SLC4A8: variants seen among roughly 807,000 people sequenced by gnomAD.
The protein encoded by SLC4A8 is electroneutral sodium bicarbonate exchanger 1.
A neutral mutation model predicts 125.0 loss-of-function variants in SLC4A8; 40 were observed. The observed-to-expected ratio is 0.32, with a 90% CI of 0.25 to 0.42. SLC4A8 has a LOEUF of 0.42. SLC4A8 is among the 10% of genes least tolerant of loss of function. SLC4A8 has a pLI of 1.00. For missense variants in SLC4A8, 863 were observed against 1,355.1 expected, an observed-to-expected ratio of 0.64 and a Z score of 5.70; for synonymous variants, 456 against 476.0, an observed-to-expected ratio of 0.96 and a Z score of 0.55.
At chr12:51,431,585 CTGCATGAGTCCTTGT>C (rs1277679433) in intron 1 of SLC4A8, among the ~76,000 whole-genome samples, 70 of 152,032 alleles carry the variant, frequency 4.6e-4, no homozygotes, top group African/African-American at 1.5e-3. Flanking sequence ...TCTGGAACAG[CTGCATGAGTCCTTGT>C]GGAATTTTTT....
chr12:51,496,047 A>G (rs1464170169), intron 21 of SLC4A8, among the ~76,000 whole-genome samples: 1 of 151,382 alleles, frequency 6.6e-6, no homozygotes, highest in Non-Finnish European at 1.5e-5. Flanking sequence ...ATTTTTTTCT[A>G]ATCCTCTAGA....
intron 10 of SLC4A8, chr12:51,462,724 C>T (rs1950371662): frequency 1.0e-5 from 2 of 200,882 alleles, no homozygotes; most frequent in East Asian, 1.1e-4. Flanking sequence ...GAAACCCCAT[C>T]TCTACTAAAA....
At chr12:51,466,379 C>G (rs1234507656) in intron 11 of SLC4A8, 1 of 152,168 alleles carries the variant, frequency 6.6e-6, no homozygotes, top group Admixed American at 6.5e-5. Context: ...GCTGCTATCT[C>G]GATGATCCCC....
intron 13 of SLC4A8, 56 bp from the exon 14 acceptor site, chr12:51,471,231 C>T: frequency 1.3e-6 from 2 of 1,552,986 alleles, no homozygotes; most frequent in Non-Finnish European, 1.7e-6. Context: ...TTTCTGACTC[C>T]TTGTCTCTTA....
intron 1 of SLC4A8, among the ~76,000 whole-genome samples, chr12:51,438,423 C>T (rs1430316323): frequency 6.6e-6 from 1 of 152,136 alleles, no homozygotes; most frequent in Non-Finnish European, 1.5e-5. Flanking sequence ...ACATAATGTC[C>T]TTCAGTTCCA....
chr12:51,419,892 C>CAAGTTTCA (rs561360047), upstream of SLC4A8, among the ~76,000 whole-genome samples: 266 of 152,322 alleles, frequency 1.7e-3, 1 homozygote, highest in Middle Eastern at 6.8e-3. Context: ...ATTTTCACAG[C>CAAGTTTCA]CAGGAGCTTG....
At chr12:51,489,500 T>C (rs765116220) in intron 18 of SLC4A8, among the ~76,000 whole-genome samples, 200 bp from the exon 19 acceptor site, 1 of 152,172 alleles carries the variant, frequency 6.6e-6, no homozygotes, top group Non-Finnish European at 1.5e-5. Flanking sequence ...TTGGCATATA[T>C]AGGACAGGCT....
chr12:51,414,834 TC>T (rs1948655149), intron 1 of SLC4A8, among the ~76,000 whole-genome samples: 2 of 152,248 alleles, frequency 1.3e-5, no homozygotes, highest in Admixed American at 1.3e-4. Context: ...GAGGTATGTT[TC>T]TTTTATGCCT....
At chr12:51,486,602 C>G (rs1326326492) in intron 17 of SLC4A8, among the ~76,000 whole-genome samples, 1 of 152,160 alleles carries the variant, frequency 6.6e-6, no homozygotes, top group Non-Finnish European at 1.5e-5. Flanking sequence ...AAGCTGAGCT[C>G]AGTTCTATAG....
intron 2 of SLC4A8, among the ~76,000 whole-genome samples, chr12:51,446,015 A>G (rs1193719334): frequency 6.6e-6 from 1 of 152,160 alleles, no homozygotes; most frequent in Non-Finnish European, 1.5e-5. Flanking sequence ...TTAACATACT[A>G]TAATGGAACA....
intron 10 of SLC4A8, 143 bp downstream of exon 10, chr12:51,462,599 A>G: frequency 1.6e-6 from 1 of 621,462 alleles, no homozygotes; most frequent in South Asian, 3.7e-5. Flanking sequence ...AACAATAATA[A>G]AAATGAATCT....
At chr12:51,396,988 C>T (rs1258086644) in intron 1 of SLC4A8, among the ~76,000 whole-genome samples, 8 of 123,606 alleles carry the variant, frequency 6.5e-5, no homozygotes, top group East Asian at 4.8e-4. Context: ...GGAATGCAGT[C>T]GCACGATCTC....
At chr12:51,414,924 T>A (rs528429334) in intron 1 of SLC4A8, among the ~76,000 whole-genome samples, 15 of 152,214 alleles carry the variant, frequency 9.9e-5, no homozygotes, top group Non-Finnish European at 2.2e-4. Flanking sequence ...AATAATCATA[T>A]GGTTTTTGGT....
At chr12:51,449,076 C>G (rs1290359771) in intron 2 of SLC4A8, among the ~76,000 whole-genome samples, 1 of 152,020 alleles carries the variant, frequency 6.6e-6, no homozygotes, top group African/African-American at 2.4e-5. Flanking sequence ...ATTAACATAC[C>G]CAGCTTGGCA....
In SLC4A8 at chr12:51,460,111, AAAG is replaced by A; in HGVS notation, c.1013+4_1013+6del. ...ACAGAAGTGCCAATCCCAACAAGGT[AAAG>A]GCAAAGATAAAACTCATGCATTCTA... On this transcript the variant is annotated splice_donor_5th_base_variant and intron_variant, in intron 8 of 24. Transcript: ENST00000453097. 6.2e-7 allele frequency: 1 copy of A among 1,612,534 alleles called. No homozygotes were observed. The highest frequency in any genetic ancestry group is 8.5e-7 in the Non-Finnish European group (1 of 1,178,502).
chr12:51,494,750 T>C (rs1951417379), intron 20 of SLC4A8, 195 bp from the exon 21 acceptor site: 1 of 465,392 alleles, frequency 2.1e-6, no homozygotes, highest in Admixed American at 3.6e-5. Context: ...AAAGATGGAT[T>C]CAAATTTTGA....
chr12:51,462,607 T>A (rs1950366305), intron 10 of SLC4A8, 151 bp downstream of exon 10: 1 of 595,618 alleles, frequency 1.7e-6, no homozygotes, highest in Non-Finnish European at 2.6e-6. Context: ...TAAAAATGAA[T>A]CTGGGCTGGG....
At chr12:51,470,681 G>T (rs549591232) in intron 13 of SLC4A8, among the ~76,000 whole-genome samples, 156 bp downstream of exon 13, 1 of 152,098 alleles carries the variant, frequency 6.6e-6, no homozygotes, top group African/African-American at 2.4e-5. Flanking sequence ...TCCTGCCCCC[G>T]GGTAGCACCA....
At position 51,467,079 on chromosome 12, in the gene SLC4A8, A is replaced by C. The variant is rs113658723; in HGVS notation, c.1350-2535A>C. Among the ~76,000 whole-genome samples the C allele has an allele frequency of 6.9e-3, 1,051 of 152,250 alleles. 15 individuals are homozygous for C. The highest frequency in any genetic ancestry group is 0.023 in the African/African-American group (961 of 41,520). ...ATGAAGAGGTAATAATCGCATGGTA[A>C]TAAGATGCTATGTTAGCTAAGAACC... On this transcript the variant is annotated intron_variant, in intron 11 of 24. Transcript: ENST00000453097.
Sources: gnomAD v4.1 joint callset for allele counts (sites outside exome capture counted in the v4.1 genomes callset) on GRCh38, gnomAD v4.1.1 for gene constraint, MANE v1.5 for transcripts, NCBI Gene and HGNC (gene_info 2026-07-23, HGNC 2026-07-21) for gene names.